Variants in SEPTIN9 observed in about 807,000 individuals in gnomAD.
SEPTIN9 encodes the protein septin-9.
A neutral mutation model predicts 56.6 loss-of-function variants in SEPTIN9; 13 were observed. That is an observed-to-expected ratio of 0.23 (90% CI 0.15 to 0.37). The LOEUF is 0.37. Among genes scored for constraint, SEPTIN9 ranks in the 10% least tolerant of loss-of-function variants. The pLI is 1.00. For synonymous variants in SEPTIN9, 332 were observed against 334.1 expected (o/e 0.99, Z 0.07); for missense variants, 650 against 823.1 (o/e 0.79, Z 2.57).
chr17:77,497,579 C>T (rs2040325091), intron 11 of SEPTIN9: 4 of 615,002 alleles, frequency 6.5e-6, no homozygotes, highest in South Asian at 5.6e-5. Context: ...CCTTTTCAAC[C>T]CCTGCGAAGT....
At position 77,439,846 on chromosome 17, in the gene SEPTIN9, C is replaced by G. The variant is rs116254194; in HGVS notation, c.721+37143C>G. ...CCTCCTTCCCCTGGAAGCTGGGCCT[C>G]TTTGGGGACTCATTAAGAAGGGCCT... On this transcript the variant is annotated intron_variant, in intron 3 of 11. Transcript: ENST00000427177. Among the ~76,000 whole-genome samples, 1,018 of 152,340 alleles carry G rather than the reference C, an allele frequency of 6.7e-3. 10 individuals carry two copies. Among genetic ancestry groups the G allele is most frequent in the African/African-American group, 0.023 (977 of 41,578 alleles).
chr17:77,320,428 C>A, intron 2 of SEPTIN9: 1 of 1,263,854 alleles, frequency 7.9e-7, no homozygotes, highest in Non-Finnish European at 1.2e-6. Flanking sequence ...GGGGAATAAG[C>A]ATGCAAAGGG....
intron 3 of SEPTIN9, among the ~76,000 whole-genome samples, chr17:77,480,570 G>C (rs1031384998): frequency 6.6e-6 from 1 of 152,238 alleles, no homozygotes; most frequent in African/African-American, 2.4e-5. Context: ...GCGTGGGCCG[G>C]GAGGGCTGCC....
At chr17:77,394,381 T>C (rs60348599) in intron 2 of SEPTIN9, among the ~76,000 whole-genome samples, 11,415 of 152,212 alleles carry the variant, frequency 0.075, 1,381 homozygotes, top group African/African-American at 0.26. Context: ...AGGGAGGTGC[T>C]TCCCTACTCC....
intron 1 of SEPTIN9, among the ~76,000 whole-genome samples, chr17:77,289,307 G>A (rs2031425612): frequency 6.6e-6 from 1 of 151,910 alleles, no homozygotes; most frequent in South Asian, 2.1e-4. Flanking sequence ...ATGTTGGCCG[G>A]GTTGGTTTCA....
rs1293623651 is a variant in SEPTIN9 at position 77,433,083 on chromosome 17, A to T, written c.721+30380A>T. Among the ~76,000 whole-genome samples, 1 of 152,128 alleles carries T rather than the reference A, an allele frequency of 6.6e-6. No homozygotes were observed. The highest frequency in any genetic ancestry group is 1.5e-5 in the Non-Finnish European group (1 of 68,000). On this transcript the variant is annotated intron_variant, in intron 3 of 11. Coordinates refer to ENST00000427177, the MANE Select transcript of SEPTIN9 (RefSeq NM_001113491.2). This position sits in a 1 kb window ranked among gnomAD's most constrained non-coding sequence, Gnocchi z 6.4. The stretch of plus-strand genomic sequence containing the variant: ...TCCGACAGGATGCTTTTGGCCTGAG[A>T]GACAGAAACCCCAACTCTGAATGGC...
In SEPTIN9 at chr17:77,475,285, T is replaced by G. The variant is rs2039162149; in HGVS notation, c.722-6859T>G. 1 of 1,412,110 alleles carries G rather than the reference T, an allele frequency of 7.1e-7. No homozygotes were observed. Among genetic ancestry groups the G allele is most frequent in the Non-Finnish European group, 9.2e-7 (1 of 1,087,120 alleles). The allele number at this position is 1,412,110 out of a possible 1,614,324, so 87.5% of individuals were successfully genotyped here. On this transcript the variant is annotated intron_variant, in intron 3 of 11. Transcript: ENST00000427177. This position sits in a 1 kb window ranked among gnomAD's most constrained non-coding sequence, Gnocchi z 4.6. ...GACTGTCTGGACGCAGAGAGCAGGC[T>G]CTGTGTGGGAGCGGGGAGGGCAAGC...
At chr17:77,383,131 T>G (rs1010168716) in intron 2 of SEPTIN9, among the ~76,000 whole-genome samples, 8 of 147,638 alleles carry the variant, frequency 5.4e-5, no homozygotes. Flanking sequence ...TGCCCTACCC[T>G]CCCTCTCTCC....
intron 2 of SEPTIN9, among the ~76,000 whole-genome samples, chr17:77,357,997 G>A (rs970260307): frequency 5.3e-5 from 8 of 152,176 alleles, no homozygotes; most frequent in East Asian, 3.8e-4. Flanking sequence ...AAATAATGAG[G>A]GCTACCAGTT....
At position 77,482,555 on chromosome 17, in the gene SEPTIN9, A is replaced by C. The variant is rs909144553; in HGVS notation, c.913+220A>C. On this transcript the variant is annotated intron_variant, in intron 4 of 11. Transcript: ENST00000427177. ...TCAGAGGGGCCTGTCCTGCACATCC[A>C]GGGCCCCTGAGATGACTTTGGGGAG... is the stretch of plus-strand genomic sequence containing the variant. 8.6e-6 allele frequency: 6 copies of C among 699,880 alleles called. No individual in the cohort carries two copies. The Admixed American group carries it at 1.0e-4, about 12-fold the overall frequency. The allele number at this position is 699,880 out of a possible 1,614,324, so 43.4% of individuals were successfully genotyped here.
At chr17:77,486,874 T>A (rs2039815622) in intron 4 of SEPTIN9, among the ~76,000 whole-genome samples, 1 of 152,110 alleles carries the variant, frequency 6.6e-6, no homozygotes, top group African/African-American at 2.4e-5. Flanking sequence ...TCACACCAGC[T>A]CCACGGGGGA....
chr17:77,450,753 C>G lies in SEPTIN9; in HGVS notation c.722-31391C>G, dbSNP rs1206695764. 1 of 986,126 alleles carries G rather than the reference C, an allele frequency of 1.0e-6. No individual in the cohort carries two copies. Among genetic ancestry groups the G allele is most frequent in the Non-Finnish European group, 1.2e-6 (1 of 830,544 alleles). 61.1% of individuals were successfully genotyped at this position (986,126 alleles called of 1,614,324 possible). On this transcript the variant is annotated intron_variant, in intron 3 of 11. Coordinates refer to ENST00000427177, the MANE Select transcript of SEPTIN9 (RefSeq NM_001113491.2). This position sits in a 1 kb window ranked among gnomAD's most constrained non-coding sequence, Gnocchi z 6.0. Reference sequence around the variant, plus strand: ...TGGAGAGGCAGGAGCTGGATCAGATCTGAATCCAGAGGCTCTCGGAGGAAG... The same window carrying G: ...TGGAGAGGCAGGAGCTGGATCAGATGTGAATCCAGAGGCTCTCGGAGGAAG...
intron 2 of SEPTIN9, chr17:77,373,246 G>A: frequency 8.8e-7 from 1 of 1,134,096 alleles, no homozygotes; most frequent in Non-Finnish European, 1.1e-6. Flanking sequence ...AGGGAGGCCG[G>A]TGCGGGTGCG....
At chr17:77,353,512 G>A (rs913936012) in intron 2 of SEPTIN9, among the ~76,000 whole-genome samples, 1 of 152,108 alleles carries the variant, frequency 6.6e-6, no homozygotes, top group African/African-American at 2.4e-5. Flanking sequence ...GGGGCCATGT[G>A]GGAGTTGTTC....
At position 77,452,501 on chromosome 17, in the gene SEPTIN9, C is replaced by T. The variant is rs1239478117; in HGVS notation, c.722-29643C>T. Among the ~76,000 whole-genome samples, 4 of 152,318 alleles carry T rather than the reference C, an allele frequency of 2.6e-5. No individual in the cohort carries two copies. In the East Asian group the frequency reaches 5.8e-4, roughly 22 times the overall value. ...GTGTTTTGGTCAGAGGTTTGGGGAACAGCTCTCTGCTCATCTAAGATAAGT... is the reference window on the plus strand; with the variant it reads ...GTGTTTTGGTCAGAGGTTTGGGGAATAGCTCTCTGCTCATCTAAGATAAGT... On this transcript the variant is annotated intron_variant, in intron 3 of 11. Transcript: ENST00000427177.
chr17:77,331,035 G>T (rs1007985238), intron 2 of SEPTIN9, among the ~76,000 whole-genome samples: 3 of 152,198 alleles, frequency 2.0e-5, no homozygotes, highest in Admixed American at 1.3e-4. Flanking sequence ...AGAGGGATGG[G>T]TATTGCTGTT....
chr17:77,430,655 C>A (rs2037093730), intron 3 of SEPTIN9, among the ~76,000 whole-genome samples: 1 of 152,172 alleles, frequency 6.6e-6, no homozygotes, highest in African/African-American at 2.4e-5. Context: ...TGGAACTTTT[C>A]ATCTGCTTGG....
rs942391910 is a variant in SEPTIN9, at chr17:77,433,909, A to G, written c.721+31206A>G. Reference sequence around the variant, plus strand: ...ATTAGGACCTTCCGCCCGTTGGTGGATGGGCAGAGAGGGGAGCTTGCTGTG... The same window carrying G: ...ATTAGGACCTTCCGCCCGTTGGTGGGTGGGCAGAGAGGGGAGCTTGCTGTG... On this transcript the variant is annotated intron_variant, in intron 3 of 11. Coordinates refer to ENST00000427177, the MANE Select transcript of SEPTIN9 (RefSeq NM_001113491.2). This position sits in a 1 kb window ranked among gnomAD's most constrained non-coding sequence, Gnocchi z 6.4. 1.3e-4 allele frequency among the ~76,000 whole-genome samples: 19 copies of G among 151,960 alleles called. No homozygotes were observed. The highest frequency in any genetic ancestry group is 2.6e-4 in the Non-Finnish European group (18 of 67,978).
intron 3 of SEPTIN9, among the ~76,000 whole-genome samples, chr17:77,423,163 G>A (rs189854588): frequency 3.9e-4 from 60 of 152,204 alleles, no homozygotes; most frequent in Non-Finnish European, 6.9e-4. Flanking sequence ...AGCCTCCTGA[G>A]TAGCTGGGAC....
Sources: gnomAD v4.1 joint callset for allele counts (sites outside exome capture counted in the v4.1 genomes callset) on GRCh38, gnomAD v4.1.1 for gene constraint, Gnocchi (gnomAD v3.1) non-coding constraint, MANE v1.5 for transcripts, NCBI Gene and HGNC (gene_info 2026-07-23, HGNC 2026-07-21) for gene names.